The following NCK1 variants were observed in gnomAD, a reference collection of about 807,000 sequenced individuals.
The protein encoded by NCK1 is NCK adaptor protein 1, also known as SH2/SH3 adapter protein NCK1.
A neutral mutation model predicts 36.6 loss-of-function variants in NCK1; 19 were observed. The observed-to-expected ratio is 0.52, with a 90% confidence interval of 0.36 to 0.76. The LOEUF is 0.76. NCK1 is among the 30% of genes least tolerant of loss of function. The pLI is 0.00. For synonymous variants in NCK1, 165 were observed against 156.0 expected (o/e 1.06, Z -0.43); for missense variants, 358 against 445.6 (o/e 0.80, Z 1.77).
intron 1 of NCK1, among the ~76,000 whole-genome samples, chr3:136,876,011 G>T (rs897322345): frequency 2.6e-5 from 4 of 151,726 alleles, no homozygotes; most frequent in Non-Finnish European, 5.9e-5. Flanking sequence ...ACTCAAAACC[G>T]CTCAACTACA....
Position 136,948,460 on chromosome 3 carries a change from T to TGACCAG in NCK1, c.*8_*13dup. ...TGTCAAGCATTTATCATGATACTGC[T>TGACCAG]GACCAGAAGTGACTGCTGTGTAGCT... On this transcript the variant is annotated 3_prime_UTR_variant, in exon 4 of 4. Coordinates refer to ENST00000481752, the MANE Select transcript of NCK1 (RefSeq NM_001291999.2). 6.2e-7 allele frequency: 1 copy of TGACCAG among 1,605,604 alleles called. No homozygotes were observed. Among genetic ancestry groups the TGACCAG allele is most frequent in the African/African-American group, 1.3e-5 (1 of 74,774 alleles).
At chr3:136,938,311 A>T (rs887874543) in intron 2 of NCK1, among the ~76,000 whole-genome samples, 9 of 152,100 alleles carry the variant, frequency 5.9e-5, no homozygotes, top group African/African-American at 1.9e-4. Flanking sequence ...AATGATCCTT[A>T]TTTTTCACAG....
At chr3:136,925,334 T>C (rs1383128222) in intron 1 of NCK1, among the ~76,000 whole-genome samples, 1 of 152,214 alleles carries the variant, frequency 6.6e-6, no homozygotes, top group Non-Finnish European at 1.5e-5. Flanking sequence ...TTTATTTTAA[T>C]TAAACTTTTT....
chr3:136,903,406 ATCTAT>A (rs1052972717), intron 1 of NCK1, among the ~76,000 whole-genome samples: 6 of 152,128 alleles, frequency 3.9e-5, no homozygotes, highest in African/African-American at 1.4e-4. Context: ...ATTTTAAAAA[ATCTAT>A]TCAATCAGTA....
At chr3:136,938,764 T>C (rs1442637809) in intron 2 of NCK1, among the ~76,000 whole-genome samples, 2 of 152,222 alleles carry the variant, frequency 1.3e-5, no homozygotes, top group Non-Finnish European at 2.9e-5. Context: ...CAGGGTTGTG[T>C]AGTGATTGGT....
At chr3:136,919,355 C>G (rs1940047704) in intron 1 of NCK1, among the ~76,000 whole-genome samples, 1 of 151,816 alleles carries the variant, frequency 6.6e-6, no homozygotes, top group Admixed American at 6.6e-5. Context: ...GTAAAATAAA[C>G]AGCAAAAAAA....
chr3:136,923,506 G>A (rs1428530479), intron 1 of NCK1, among the ~76,000 whole-genome samples: 1 of 151,874 alleles, frequency 6.6e-6, no homozygotes, highest in African/African-American at 2.4e-5. Flanking sequence ...AGTGAGCCAG[G>A]GTCGCTCCAC....
chr3:136,904,281 T>C (rs1358368629), intron 1 of NCK1, among the ~76,000 whole-genome samples: 1 of 152,178 alleles, frequency 6.6e-6, no homozygotes, highest in Non-Finnish European at 1.5e-5. Flanking sequence ...GCCTCCTGAA[T>C]AGCTGGGATT....
At chr3:136,897,301 A>G (rs1359282781) in intron 1 of NCK1, among the ~76,000 whole-genome samples, 1 of 152,040 alleles carries the variant, frequency 6.6e-6, no homozygotes, top group African/African-American at 2.4e-5. Context: ...AGTGTTGGCC[A>G]GGTTGGTCTG....
intron 1 of NCK1, among the ~76,000 whole-genome samples, chr3:136,868,796 T>A (rs1010012012): frequency 3.3e-5 from 5 of 152,196 alleles, no homozygotes; most frequent in African/African-American, 4.8e-5. Context: ...CTGGAGGGCT[T>A]ATCATATAAC....
At chr3:136,865,988 T>G (rs1197378199) in intron 1 of NCK1, among the ~76,000 whole-genome samples, 2 of 152,228 alleles carry the variant, frequency 1.3e-5, no homozygotes, top group Non-Finnish European at 2.9e-5. Flanking sequence ...CTCACTAGCC[T>G]TTAATTGGGT....
At chr3:136,927,645 C>T (rs183958829) in intron 1 of NCK1, among the ~76,000 whole-genome samples, 60 of 152,250 alleles carry the variant, frequency 3.9e-4, no homozygotes, top group Admixed American at 1.6e-3. Context: ...CCTCAGCCTC[C>T]TGAGTAGCTG....
chr3:136,894,573 T>C (rs1939342516), intron 1 of NCK1, among the ~76,000 whole-genome samples: 1 of 152,124 alleles, frequency 6.6e-6, no homozygotes, highest in African/African-American at 2.4e-5. Context: ...AACGAGTCCT[T>C]TAGTTTGAGG....
chr3:136,902,257 G>A (rs558509360), intron 1 of NCK1, among the ~76,000 whole-genome samples: 124 of 150,758 alleles, frequency 8.2e-4, no homozygotes, highest in African/African-American at 2.9e-3. Context: ...GAGTGCAGTG[G>A]CACTATCTCA....
At chr3:136,912,884 C>G (rs1235251073) in intron 1 of NCK1, among the ~76,000 whole-genome samples, 1 of 151,816 alleles carries the variant, frequency 6.6e-6, no homozygotes, top group African/African-American at 2.4e-5. Flanking sequence ...TCTTGATATC[C>G]TGGACTCAAG....
chr3:136,917,830 G>C (rs1240745880), intron 1 of NCK1, among the ~76,000 whole-genome samples: 1 of 152,170 alleles, frequency 6.6e-6, no homozygotes, highest in Non-Finnish European at 1.5e-5. Flanking sequence ...CTTCGCAATG[G>C]ATGACAAATA....
In NCK1 at chr3:136,949,047, C is replaced by T. The variant is rs1292363586; in HGVS notation, c.*594C>T. On this transcript the variant is annotated 3_prime_UTR_variant, in exon 4 of 4. Transcript: ENST00000481752. ...TTGTCTTCAGTCATACAGCAAGACACATGAGACATAGATTAGAAAACATGT... is the reference window on the plus strand; with the variant it reads ...TTGTCTTCAGTCATACAGCAAGACATATGAGACATAGATTAGAAAACATGT... 2 of 152,416 alleles carry T rather than the reference C, an allele frequency of 1.3e-5. No individual in the cohort carries two copies. Among genetic ancestry groups the T allele is most frequent in the African/African-American group, 2.4e-5 (1 of 41,424 alleles). The allele number at this position is 152,416 out of a possible 1,614,324, so 9.4% of individuals were successfully genotyped here. A position where few individuals can be genotyped will look rare whatever the true frequency, so the allele number is the denominator to read the frequency against.
intron 2 of NCK1, among the ~76,000 whole-genome samples, chr3:136,939,600 T>C (rs186066540): frequency 6.6e-6 from 1 of 152,236 alleles, no homozygotes; most frequent in East Asian, 1.9e-4. Context: ...TAAATTTCCC[T>C]CTGAGCATTG....
In NCK1 at chr3:136,867,117, TTTGTTTCTTTCTTTCCTTCCTTCC is replaced by T. The variant is rs1300085052; in HGVS notation, c.-19+4767_-19+4790del. On this transcript the variant is annotated intron_variant, in intron 1 of 3. Coordinates refer to ENST00000481752, the MANE Select transcript of NCK1 (RefSeq NM_001291999.2). ...CTTTCTTTCTTTCTTTCTTTCTTTCTTTGTTTCTTTCTTTCCTTCCTTCCTTCCTTCCTTCCTTCCTTCCTTCCT... is the reference window on the plus strand; with the variant it reads ...CTTTCTTTCTTTCTTTCTTTCTTTCTTTCCTTCCTTCCTTCCTTCCTTCCT... 4.5e-3 allele frequency among the ~76,000 whole-genome samples: 121 copies of T among 26,946 alleles called. 5 individuals are homozygous for T. Among genetic ancestry groups the T allele is most frequent in the Middle Eastern group, 0.033 (2 of 60 alleles). The allele number at this position is 26,946 out of a possible 152,430, so 17.7% of individuals were successfully genotyped here. A position where few individuals can be genotyped will look rare whatever the true frequency, so the allele number is the denominator to read the frequency against.
Sources: gnomAD v4.1 joint callset for allele counts (sites outside exome capture counted in the v4.1 genomes callset) on GRCh38, gnomAD v4.1.1 for gene constraint, MANE v1.5 for transcripts, NCBI Gene and HGNC (gene_info 2026-07-23, HGNC 2026-07-21) for gene names.